TBC1D12: variants seen among roughly 807,000 people sequenced by gnomAD.
TBC1D12 encodes the protein TBC1 domain family, member 12.
In TBC1D12, 56 loss-of-function variants were observed where a neutral mutation model predicts 86.7. The ratio of observed to expected loss-of-function variants is 0.65; its 90% CI spans 0.52 to 0.81. TBC1D12 has a LOEUF of 0.81. Among genes scored for constraint, TBC1D12 ranks in the 30% least tolerant of loss-of-function variants. The pLI is 0.00. For synonymous variants in TBC1D12, 421 were observed against 411.7 expected, an observed-to-expected ratio of 1.02 and a Z score of -0.27; for missense variants, 1,023 against 1,038.8, an observed-to-expected ratio of 0.98 and a Z score of 0.21.
intron 2 of TBC1D12, among the ~76,000 whole-genome samples, chr10:94,454,283 G>A (rs1321538109): frequency 6.6e-6 from 1 of 151,986 alleles, no homozygotes; most frequent in Non-Finnish European, 1.5e-5. Flanking sequence ...GTGCAGTGGC[G>A]CCACCACAAC....
chr10:94,412,024 C>G (rs139298471), intron 1 of TBC1D12, among the ~76,000 whole-genome samples: 3 of 152,192 alleles, frequency 2.0e-5, no homozygotes, highest in Non-Finnish European at 4.4e-5. Flanking sequence ...ATTGCTTAAT[C>G]CTAGGTGGCA....
rs541613102 is a variant in TBC1D12 at position 94,516,323 on chromosome 10, A to G, written c.1761+4669A>G. On this transcript the variant is annotated intron_variant, in intron 9 of 12. Transcript: ENST00000225235. ...GTTATTACAATTATTAGTATAACTG[A>G]TCAAAACAAATCTATTAGAGAAACT... Among the ~76,000 whole-genome samples, 7 of 152,318 alleles carry G rather than the reference A, an allele frequency of 4.6e-5. No individual in the cohort carries two copies. The South Asian group carries it at 1.4e-3, about 32-fold the overall frequency.
At chr10:94,453,735 A>C (rs2055586410) in intron 2 of TBC1D12, among the ~76,000 whole-genome samples, 1 of 152,162 alleles carries the variant, frequency 6.6e-6, no homozygotes, top group African/African-American at 2.4e-5. Flanking sequence ...TCTAGGAGTT[A>C]TATAGTTTTG....
chr10:94,516,498 A>G (rs1038805335), intron 9 of TBC1D12, among the ~76,000 whole-genome samples: 4 of 151,842 alleles, frequency 2.6e-5, no homozygotes, highest in African/African-American at 9.7e-5. Flanking sequence ...TACATGTGCC[A>G]TGTTGGTGTG....
At chr10:94,441,444 G>A (rs2055379528) in intron 1 of TBC1D12, among the ~76,000 whole-genome samples, 1 of 152,042 alleles carries the variant, frequency 6.6e-6, no homozygotes, top group Admixed American at 6.6e-5. Flanking sequence ...TACATGTACA[G>A]TCAATTCTAG....
intron 11 of TBC1D12, among the ~76,000 whole-genome samples, chr10:94,524,664 G>C (rs1589678133): frequency 6.6e-6 from 1 of 151,008 alleles, no homozygotes; most frequent in South Asian, 2.1e-4. Flanking sequence ...CCTTGAACCA[G>C]GGAGTTGGAG....
chr10:94,493,544 CTTTT>C, intron 4 of TBC1D12, 97 bp downstream of exon 4: 3 of 942,330 alleles, frequency 3.2e-6, no homozygotes, highest in Admixed American at 2.6e-5. Context: ...ATACTGAATT[CTTTT>C]TTTTATTTCT....
At chr10:94,516,244 C>T (rs1454656609) in intron 9 of TBC1D12, among the ~76,000 whole-genome samples, 4 of 151,920 alleles carry the variant, frequency 2.6e-5, no homozygotes, top group Non-Finnish European at 5.9e-5. Context: ...TAAAAATTAG[C>T]TTTATTTCTG....
Position 94,455,828 on chromosome 10 carries a change from T to G in TBC1D12, c.1095+13809T>G, listed in dbSNP as rs533495335. Among the ~76,000 whole-genome samples, 339 of 152,216 alleles carry G rather than the reference T, an allele frequency of 2.2e-3. 3 individuals are homozygous for G. Among genetic ancestry groups the G allele is most frequent in the African/African-American group, 7.7e-3 (320 of 41,534 alleles). On this transcript the variant is annotated intron_variant, in intron 2 of 12. Coordinates refer to ENST00000225235, the MANE Select transcript of TBC1D12 (RefSeq NM_015188.2). ...AAAAAATTAGCTGGACATGGTGGCA[T>G]GCGCCTGTAGTCCCAACTCCTTGGG...
chr10:94,513,310 C>T (rs1479487918), intron 9 of TBC1D12, among the ~76,000 whole-genome samples: 1 of 151,252 alleles, frequency 6.6e-6, no homozygotes, highest in African/African-American at 2.4e-5. Flanking sequence ...AATCCCAGCA[C>T]TTTGGGAGGT....
In TBC1D12 at chr10:94,403,069, T is replaced by A. The variant is rs757638665; in HGVS notation, c.456T>A (p.Ala152=). Reference sequence around the variant, plus strand: ...GGGACTGTCGCGATCTGGAAGAGGCTCGCGGGCTGGCGCGCGCCGGCGGCC... The same window carrying A: ...GGGACTGTCGCGATCTGGAAGAGGCACGCGGGCTGGCGCGCGCCGGCGGCC... ...PGRDCRDLEE[A]RGLARAGGRE... The change falls in exon 1 of 13, where the codon GCT becomes GCA. Residue 152 remains alanine (A), a synonymous_variant. Coordinates refer to ENST00000225235, the MANE Select transcript of TBC1D12 (RefSeq NM_015188.2). 17 of 1,489,706 alleles carry A rather than the reference T, an allele frequency of 1.1e-5. No homozygotes were observed. 92.3% of individuals were successfully genotyped at this position (1,489,706 alleles called of 1,614,324 possible). A position where few individuals can be genotyped will look rare whatever the true frequency, so the allele number is the denominator to read the frequency against.
chr10:94,499,328 C>T (rs551875475), intron 5 of TBC1D12, among the ~76,000 whole-genome samples: 79 of 152,248 alleles, frequency 5.2e-4, no homozygotes, highest in Non-Finnish European at 1.0e-3. Flanking sequence ...CTTTACTCCC[C>T]GCTCCCCGGC....
At chr10:94,524,861 C>T (rs1044573580) in intron 11 of TBC1D12, among the ~76,000 whole-genome samples, 1 of 150,222 alleles carries the variant, frequency 6.7e-6, no homozygotes, top group African/African-American at 2.5e-5. Flanking sequence ...CAGTCTAGTT[C>T]TGTTGCCCGG....
intron 1 of TBC1D12, among the ~76,000 whole-genome samples, chr10:94,408,583 C>G (rs2054887517): frequency 6.6e-6 from 1 of 152,082 alleles, no homozygotes; most frequent in African/African-American, 2.4e-5. Context: ...TCAGAAACAA[C>G]AAAGTCAGCC....
intron 2 of TBC1D12, among the ~76,000 whole-genome samples, chr10:94,466,065 C>T (rs1277976090): frequency 6.6e-6 from 1 of 151,720 alleles, no homozygotes; most frequent in African/African-American, 2.4e-5. Flanking sequence ...TGTTTTCATC[C>T]TTTTATTCTT....
At chr10:94,465,719 C>CAT (rs1554941222) in intron 2 of TBC1D12, among the ~76,000 whole-genome samples, 7 of 145,856 alleles carry the variant, frequency 4.8e-5, no homozygotes, top group South Asian at 4.3e-4. Context: ...TATACGTATA[C>CAT]ATACATACAT....
At chr10:94,422,206 T>C (rs1406907641) in intron 1 of TBC1D12, among the ~76,000 whole-genome samples, 1 of 149,568 alleles carries the variant, frequency 6.7e-6, no homozygotes, top group Non-Finnish European at 1.5e-5. Flanking sequence ...TTTTTTTTTT[T>C]TTGAGTCAGA....
chr10:94,436,366 C>T (rs2055297217), intron 1 of TBC1D12, among the ~76,000 whole-genome samples: 1 of 151,894 alleles, frequency 6.6e-6, no homozygotes, highest in Non-Finnish European at 1.5e-5. Context: ...GATCTCTTGA[C>T]CTCATGATCC....
intron 1 of TBC1D12, among the ~76,000 whole-genome samples, chr10:94,411,035 T>TC (rs1005685144): frequency 3.9e-5 from 6 of 152,188 alleles, no homozygotes; most frequent in Non-Finnish European, 8.8e-5. Flanking sequence ...AATTTTTTTT[T>TC]CCCTCTGTAA....
Sources: allele counts gnomAD v4.1 joint callset (sites outside exome capture counted in the v4.1 genomes callset), GRCh38; gene constraint gnomAD v4.1.1; transcripts MANE v1.5; gene names NCBI Gene and HGNC (gene_info 2026-07-23, HGNC 2026-07-21).